ANGPT2: variants seen among roughly 807,000 people sequenced by gnomAD.
The protein encoded by ANGPT2 is angiopoietin-2.
In ANGPT2, 28 loss-of-function variants were observed where a neutral mutation model predicts 62.9. The ratio of observed to expected loss-of-function variants is 0.44; its 90% confidence interval spans 0.33 to 0.61. ANGPT2 has a LOEUF of 0.61. Among genes scored for constraint, ANGPT2 ranks in the 20% least tolerant of loss-of-function variants. The pLI is 0.03. For missense variants in ANGPT2, 727 were observed against 594.9 expected (o/e 1.22, Z -2.31); for synonymous variants, 284 against 207.8 (o/e 1.37, Z -3.15).
intron 6 of ANGPT2, 99 bp downstream of exon 6, chr8:6,514,578 C>T: frequency 9.7e-7 from 1 of 1,032,500 alleles, no homozygotes; most frequent in Non-Finnish European, 1.5e-6. Flanking sequence ...TGTCAAAAGT[C>T]ATTGGTTAGT....
At chr8:6,515,772 G>A (rs1259273722) in intron 5 of ANGPT2, among the ~76,000 whole-genome samples, 2 of 152,224 alleles carry the variant, frequency 1.3e-5, no homozygotes, top group South Asian at 2.1e-4. Context: ...TTCTTCTTGT[G>A]TTGTGTCCCA....
rs1043553207 is a variant in ANGPT2, at chr8:6,548,821, C to A, written c.288+13826G>T. On this transcript the variant is annotated intron_variant, in intron 1 of 8. Coordinates refer to ENST00000629816, the MANE Select transcript of ANGPT2 (RefSeq NM_001118887.2). ...AGATTTGAAAGACCAGAGTGAGCAG[C>A]AGATAGGCCCTTGGGTCCTTCCTTT... 2.0e-4 allele frequency among the ~76,000 whole-genome samples: 31 copies of A among 152,194 alleles called. 1 individual carries two copies. The highest frequency in any genetic ancestry group is 2.0e-3 in the Admixed American group (31 of 15,284).
Position 6,501,335 on chromosome 8 carries a change from G to A in ANGPT2, c.*1766C>T, listed in dbSNP as rs1812135489. 6.6e-6 allele frequency: 1 copy of A among 152,200 alleles called. No homozygotes were observed. The highest frequency in any genetic ancestry group is 6.5e-5 in the Admixed American group (1 of 15,280). The allele number at this position is 152,200 out of a possible 1,614,324, so 9.4% of individuals were successfully genotyped here. A position where few individuals can be genotyped will look rare whatever the true frequency, so the allele number is the denominator to read the frequency against. On this transcript the variant is annotated 3_prime_UTR_variant, in exon 9 of 9. Coordinates refer to ENST00000629816, the MANE Select transcript of ANGPT2 (RefSeq NM_001118887.2). Reference sequence around the variant, plus strand: ...GGTAGAACACTGTAAGGTGAAGACAGACATATAGTAGATGCTAGTTACAGA... The same window carrying A: ...GGTAGAACACTGTAAGGTGAAGACAAACATATAGTAGATGCTAGTTACAGA...
In ANGPT2 at chr8:6,505,369, A is replaced by AAT. The variant is rs1384778993; in HGVS notation, c.1328-2110_1328-2109dup. 2.6e-5 allele frequency among the ~76,000 whole-genome samples: 2 copies of AAT among 75,818 alleles called. 1 individual carries two copies. The highest frequency in any genetic ancestry group is 4.9e-5 in the Non-Finnish European group (2 of 40,628). 49.7% of individuals were successfully genotyped at this position (75,818 alleles called of 152,430 possible). A position where few individuals can be genotyped will look rare whatever the true frequency, so the allele number is the denominator to read the frequency against. On this transcript the variant is annotated intron_variant, in intron 8 of 8. Transcript: ENST00000629816. ...ATATATTCTTTCTATATGTATATAG[A>AAT]ATATATATATTCTTTCTATATGTAT...
At chr8:6,545,282 C>T (rs1218519338) in intron 1 of ANGPT2, among the ~76,000 whole-genome samples, 1 of 152,144 alleles carries the variant, frequency 6.6e-6, no homozygotes, top group Middle Eastern at 3.2e-3. Context: ...TGAGTGAATC[C>T]ATATTTTTAA....
intron 1 of ANGPT2, among the ~76,000 whole-genome samples, chr8:6,540,678 G>C (rs1821389445): frequency 6.6e-6 from 1 of 152,402 alleles, no homozygotes. Context: ...GTGTGTATGT[G>C]TGTGTACCTC....
intron 7 of ANGPT2, among the ~76,000 whole-genome samples, chr8:6,509,479 G>A (rs1814508599): frequency 1.3e-5 from 2 of 152,178 alleles, no homozygotes; most frequent in Admixed American, 6.5e-5. Flanking sequence ...GCCCCGGGGG[G>A]GATGGAGAAT....
intron 1 of ANGPT2, among the ~76,000 whole-genome samples, chr8:6,548,299 C>G (rs1254282692): frequency 6.6e-6 from 1 of 152,168 alleles, no homozygotes; most frequent in African/African-American, 2.4e-5. Flanking sequence ...TGACAGGACT[C>G]TACTCGTGCG....
chr8:6,511,629 A>T (rs1815118519), intron 7 of ANGPT2, among the ~76,000 whole-genome samples: 3 of 152,194 alleles, frequency 2.0e-5, no homozygotes, highest in South Asian at 4.1e-4. Flanking sequence ...CAGTCCCTTC[A>T]CAGTTCTCTT....
chr8:6,554,957 T>C, intron 1 of ANGPT2, among the ~76,000 whole-genome samples: 1 of 152,184 alleles, frequency 6.6e-6, no homozygotes, highest in Non-Finnish European at 1.5e-5. Flanking sequence ...AAATATCTAA[T>C]TAAAATATTA....
chr8:6,545,564 A>G (rs1240857358), intron 1 of ANGPT2, among the ~76,000 whole-genome samples: 1 of 152,234 alleles, frequency 6.6e-6, no homozygotes, highest in Non-Finnish European at 1.5e-5. Flanking sequence ...CATTCCAGCC[A>G]TCTGATGAGG....
intron 1 of ANGPT2, among the ~76,000 whole-genome samples, chr8:6,541,355 G>A (rs1821533795): frequency 6.6e-6 from 1 of 152,170 alleles, no homozygotes; most frequent in Admixed American, 6.5e-5. Context: ...GGTAACTCGG[G>A]GCCACGTGGA....
At chr8:6,526,257 T>TGA (rs1327541036) in intron 3 of ANGPT2, among the ~76,000 whole-genome samples, 9 of 77,464 alleles carry the variant, frequency 1.2e-4, no homozygotes, top group Admixed American at 3.7e-4. Flanking sequence ...TTGCCTCTAC[T>TGA]AAAAAAAAAA....
chr8:6,542,484 G>A (rs1988762), intron 1 of ANGPT2, among the ~76,000 whole-genome samples: 92,131 of 151,758 alleles, frequency 0.61, 28,553 homozygotes, highest in Middle Eastern at 0.68. Flanking sequence ...CTGTAAGAGG[G>A]ACGCTAGCGC....
chr8:6,521,189 G>C lies in ANGPT2; in HGVS notation c.788C>G (p.Ser263Cys). 1.9e-6 allele frequency: 3 copies of C among 1,612,154 alleles called. No individual in the cohort carries two copies. The South Asian group carries it at 3.3e-5, about 18-fold the overall frequency. ...ATATGTAAACTTACAGTTTGATGTGGACATCATAGTCAGTAAGTTATTAAC... is the reference window on the plus strand; with the variant it reads ...ATATGTAAACTTACAGTTTGATGTGCACATCATAGTCAGTAAGTTATTAAC... Reference protein sequence around the residue: ...ETVNNLLTMMSTSNSKDPTVA... With the variant: ...ETVNNLLTMMCTSNSKDPTVA... Residue 263 changes from serine to cysteine, a missense_variant, in exon 4 of 9, where the codon TCC (serine) becomes TGC (cysteine). Physicochemically the swap from Ser to Cys is moderately radical, Grantham distance 112. Transcript: ENST00000629816.
intron 1 of ANGPT2, among the ~76,000 whole-genome samples, chr8:6,533,114 C>G (rs1029279896): frequency 6.6e-6 from 1 of 152,186 alleles, no homozygotes; most frequent in Non-Finnish European, 1.5e-5. Flanking sequence ...GCATTTTTCA[C>G]AATTTTGTCA....
chr8:6,515,624 A>G (rs553196333), intron 5 of ANGPT2, among the ~76,000 whole-genome samples: 71 of 152,360 alleles, frequency 4.7e-4, no homozygotes, highest in African/African-American at 1.6e-3. Context: ...AAAACCCCTG[A>G]AAATAAGATT....
chr8:6,517,256 G>A (rs1169647406), intron 5 of ANGPT2, among the ~76,000 whole-genome samples: 3 of 152,202 alleles, frequency 2.0e-5, no homozygotes, highest in Admixed American at 6.5e-5. Flanking sequence ...GGTGCATGGT[G>A]CAGGAACCTG....
At chr8:6,505,637 ATATT>A (rs1159793311) in intron 8 of ANGPT2, among the ~76,000 whole-genome samples, 2 of 129,992 alleles carry the variant, frequency 1.5e-5, no homozygotes, top group Admixed American at 8.2e-5. Flanking sequence ...ATGAATGTAT[ATATT>A]CTTTATATCT....
Sources: allele counts gnomAD v4.1 joint callset (sites outside exome capture counted in the v4.1 genomes callset), GRCh38; gene constraint gnomAD v4.1.1; transcripts MANE v1.5; gene names NCBI Gene and HGNC (gene_info 2026-07-23, HGNC 2026-07-21).